ZC3H7B: variants seen among roughly 807,000 people sequenced by gnomAD.
ZC3H7B encodes zinc finger CCCH domain-containing protein 7B.
In ZC3H7B, 35 loss-of-function variants were observed where a neutral mutation model predicts 116.0. That is an observed-to-expected ratio of 0.30 (90% CI 0.23 to 0.40). The LOEUF is 0.40. Among genes scored for constraint, ZC3H7B ranks in the 10% least tolerant of loss-of-function variants. The pLI, the probability that ZC3H7B is intolerant of heterozygous loss-of-function variation, is 1.00. For synonymous variants in ZC3H7B, 502 were observed against 545.6 expected, an observed-to-expected ratio of 0.92 and a Z score of 1.11; for missense variants, 1,011 against 1,321.5, an observed-to-expected ratio of 0.77 and a Z score of 3.64.
At chr22:41,317,881 G>T (rs974081406) in intron 1 of ZC3H7B, among the ~76,000 whole-genome samples, 1 of 152,200 alleles carries the variant, frequency 6.6e-6, no homozygotes, top group Non-Finnish European at 1.5e-5. Flanking sequence ...TGTTAATCAG[G>T]CTGCCTGATG....
chr22:41,305,156 C>A (rs1286126635), intron 1 of ZC3H7B, among the ~76,000 whole-genome samples: 1 of 152,116 alleles, frequency 6.6e-6, no homozygotes, highest in Non-Finnish European at 1.5e-5. Context: ...ACCATCCTGG[C>A]CAACATGGTG....
rs191058254 is a variant in ZC3H7B at position 41,319,211 on chromosome 22, C to T, written c.-6-1444C>T. Among the ~76,000 whole-genome samples the T allele has an allele frequency of 8.3e-4, 126 of 152,184 alleles. 2 individuals are homozygous for T. The East Asian group carries it at 0.023, about 28-fold the overall frequency. ...GGTCAGGCGATCGAGACCATCCTGGCTAACACGGTGAAACCCCCTCTCTAC... is the reference window on the plus strand; with the variant it reads ...GGTCAGGCGATCGAGACCATCCTGGTTAACACGGTGAAACCCCCTCTCTAC... On this transcript the variant is annotated intron_variant, in intron 1 of 22. Coordinates refer to ENST00000352645, the MANE Select transcript of ZC3H7B (RefSeq NM_017590.6).
At chr22:41,306,951 C>T (rs976108691) in intron 1 of ZC3H7B, among the ~76,000 whole-genome samples, 4 of 151,226 alleles carry the variant, frequency 2.6e-5, no homozygotes, top group South Asian at 2.1e-4. Flanking sequence ...CCCCAGGAGC[C>T]TCCACAGAGG....
At chr22:41,337,647 T>C (rs2036463716) in intron 7 of ZC3H7B, among the ~76,000 whole-genome samples, 1 of 152,152 alleles carries the variant, frequency 6.6e-6, no homozygotes, top group African/African-American at 2.4e-5. Flanking sequence ...CCATCTGTGG[T>C]GCTGTGGGGG....
intron 16 of ZC3H7B, among the ~76,000 whole-genome samples, chr22:41,350,009 G>A (rs1331655207): frequency 2.0e-5 from 3 of 152,166 alleles, no homozygotes; most frequent in Non-Finnish European, 4.4e-5. Context: ...GAAATGCAGT[G>A]GTAGCATTTC....
rs2036470249 is a variant in ZC3H7B at position 41,338,204 on chromosome 22, T to C, written c.583-109T>C. ...CTTTAATCTCCCCTGGCACTCTAAG[T>C]GCTCCTCGGTGCTGGGTCAACAGCA... is the stretch of plus-strand genomic sequence containing the variant. On this transcript the variant is annotated intron_variant, in intron 7 of 22. Transcript: ENST00000352645. This position sits in a 1 kb window ranked among gnomAD's most constrained non-coding sequence, Gnocchi z 4.5. 2 of 1,172,172 alleles carry C rather than the reference T, an allele frequency of 1.7e-6. No individual in the cohort carries two copies. Among genetic ancestry groups the C allele is most frequent in the South Asian group, 1.4e-5 (1 of 71,498 alleles). 72.6% of individuals were successfully genotyped at this position (1,172,172 alleles called of 1,614,324 possible).
chr22:41,321,311 G>A (rs748801762), intron 2 of ZC3H7B, among the ~76,000 whole-genome samples: 1 of 150,974 alleles, frequency 6.6e-6, no homozygotes, highest in Non-Finnish European at 1.5e-5. Flanking sequence ...TGCCTCCTGG[G>A]TTCAAGCGAT....
rs765566832 is a variant in ZC3H7B, at chr22:41,320,641, G to A, written c.-6-14G>A. 3 of 1,613,816 alleles carry A rather than the reference G, an allele frequency of 1.9e-6. No individual in the cohort carries two copies. Among genetic ancestry groups the A allele is most frequent in the Non-Finnish European group, 2.5e-6 (3 of 1,179,834 alleles). On this transcript the variant is annotated splice_polypyrimidine_tract_variant and intron_variant, in intron 1 of 22. Transcript: ENST00000352645. ...TCTTGCTGACTGACTGATGGACTGTGCTCTCTTCCCCAGAGACTGATGGAG... is the reference window on the plus strand; with the variant it reads ...TCTTGCTGACTGACTGATGGACTGTACTCTCTTCCCCAGAGACTGATGGAG...
At chr22:41,326,462 C>T (rs915320969) in intron 4 of ZC3H7B, among the ~76,000 whole-genome samples, 2 of 151,040 alleles carry the variant, frequency 1.3e-5, no homozygotes, top group African/African-American at 4.9e-5. Flanking sequence ...CTGTTTCTTC[C>T]ATAGCCTCCT....
chr22:41,343,302 G>T (rs1240702879), intron 12 of ZC3H7B, 113 bp from the exon 13 acceptor site: 2 of 1,370,880 alleles, frequency 1.5e-6, no homozygotes. Context: ...GGCCCTCAGA[G>T]GGGAGGTAGG....
chr22:41,329,159 C>T (rs1363565150), intron 5 of ZC3H7B, among the ~76,000 whole-genome samples: 4 of 149,878 alleles, frequency 2.7e-5, no homozygotes, highest in East Asian at 4.1e-4. Flanking sequence ...GAGCTGAGAT[C>T]GCGCCACTGC....
intron 7 of ZC3H7B, among the ~76,000 whole-genome samples, chr22:41,337,189 G>A (rs1378326954): frequency 6.6e-6 from 1 of 151,680 alleles, no homozygotes; most frequent in Admixed American, 6.6e-5. Flanking sequence ...TTAGTCAGGC[G>A]TGGTGACGGG....
intron 7 of ZC3H7B, chr22:41,335,316 A>G (rs890939815): frequency 6.6e-6 from 1 of 152,176 alleles, no homozygotes; most frequent in African/African-American, 2.4e-5. Flanking sequence ...TAGAATTACA[A>G]TGGGTCAATG....
intron 1 of ZC3H7B, among the ~76,000 whole-genome samples, chr22:41,315,184 A>C (rs1282476039): frequency 6.6e-6 from 1 of 151,628 alleles, no homozygotes; most frequent in Non-Finnish European, 1.5e-5. Context: ...CCCCGATGTC[A>C]CAACTGGGGA....
rs190241363 is a variant in ZC3H7B, at chr22:41,320,153, C to T, written c.-6-502C>T. On this transcript the variant is annotated intron_variant, in intron 1 of 22. Coordinates refer to ENST00000352645, the MANE Select transcript of ZC3H7B (RefSeq NM_017590.6). ...TTCGAGACCAGCCTGGTCAACATGG[C>T]GAAACCTCGTCTCTACTAAAAATAC... Among the ~76,000 whole-genome samples the T allele has an allele frequency of 1.3e-3, 195 of 151,516 alleles. 1 individual carries two copies. The highest frequency in any genetic ancestry group is 6.8e-3 in the Middle Eastern group (2 of 294).
In ZC3H7B at chr22:41,327,894, C is replaced by T. The variant is rs955195265; in HGVS notation, c.444+530C>T. On this transcript the variant is annotated intron_variant, in intron 5 of 22. Coordinates refer to ENST00000352645, the MANE Select transcript of ZC3H7B (RefSeq NM_017590.6). The surrounding 1 kb of genome is among the most constrained non-coding windows in gnomAD (Gnocchi z 4.5). ...ATCCCAGCACTGTGGGAGGCCAAGG[C>T]GGGAGGATCACTTGAGCTCAGGAGT... Among the ~76,000 whole-genome samples, 11 of 152,162 alleles carry T rather than the reference C, an allele frequency of 7.2e-5. No homozygotes were observed. The highest frequency in any genetic ancestry group is 2.4e-4 in the African/African-American group (10 of 41,430).
At chr22:41,303,410 T>G (rs2035999896) in intron 1 of ZC3H7B, among the ~76,000 whole-genome samples, 1 of 152,160 alleles carries the variant, frequency 6.6e-6, no homozygotes, top group Non-Finnish European at 1.5e-5. Context: ...CTTAGAAGCT[T>G]GGTGGGATGT....
In ZC3H7B at chr22:41,357,116, A is replaced by G. The variant is rs1457162940; in HGVS notation, c.2682-61A>G. ...GGGGAGGTCAAGCGGCCGGCCCCAGATGGACAGCCTGGGGTGGGAAGGGCA... is the reference window on the plus strand; with the variant it reads ...GGGGAGGTCAAGCGGCCGGCCCCAGGTGGACAGCCTGGGGTGGGAAGGGCA... On this transcript the variant is annotated intron_variant, in intron 22 of 22. Coordinates refer to ENST00000352645, the MANE Select transcript of ZC3H7B (RefSeq NM_017590.6). The surrounding 1 kb of genome is among the most constrained non-coding windows in gnomAD (Gnocchi z 5.4). The G allele has an allele frequency of 1.3e-6, 2 of 1,589,354 alleles. No homozygotes were observed. The highest frequency in any genetic ancestry group is 2.7e-5 in the African/African-American group (2 of 74,494).
chr22:41,347,774 C>A (rs1174530641), intron 14 of ZC3H7B, among the ~76,000 whole-genome samples: 2 of 152,180 alleles, frequency 1.3e-5, no homozygotes. Context: ...AAAGAACTTG[C>A]CATTCCTTTT....
Sources: allele counts gnomAD v4.1 joint callset (sites outside exome capture counted in the v4.1 genomes callset), GRCh38; gene constraint gnomAD v4.1.1; non-coding constraint Gnocchi (gnomAD v3.1); transcripts MANE v1.5; gene names NCBI Gene and HGNC (gene_info 2026-07-23, HGNC 2026-07-21).